The following CDH6 variants were observed in gnomAD, a reference collection of about 807,000 sequenced individuals.
CDH6 encodes cadherin 6.
In CDH6, 31 loss-of-function variants were observed where a neutral mutation model predicts 78.0. The ratio of observed to expected loss-of-function variants is 0.40; its 90% CI spans 0.30 to 0.54. The LOEUF (loss-of-function observed/expected upper bound fraction) is 0.54, where lower values mean the gene tolerates loss of function less well. CDH6 is among the 20% of genes least tolerant of loss of function. The pLI, the probability that CDH6 is intolerant of heterozygous loss-of-function variation, is 0.56. For synonymous variants in CDH6, 376 were observed against 368.8 expected, an observed-to-expected ratio of 1.02 and a Z score of -0.23; for missense variants, 724 against 975.9, an observed-to-expected ratio of 0.74 and a Z score of 3.44.
rs546591670 is a variant in CDH6 at position 31,293,957 on chromosome 5, A to G, written c.229-5A>G. The G allele has an allele frequency of 5.8e-6, 9 of 1,554,296 alleles. No individual in the cohort carries two copies. In the South Asian group the frequency reaches 6.0e-5, roughly 10 times the overall value. On this transcript the variant is annotated splice_region_variant and splice_polypyrimidine_tract_variant and intron_variant, in intron 2 of 11. Transcript: ENST00000265071. Reference sequence around the variant, plus strand: ...ACTTTCTTTAATTTTTTTTTTCTACACTAGTTACATTCAGACCAGGATAGA... The same window carrying G: ...ACTTTCTTTAATTTTTTTTTTCTACGCTAGTTACATTCAGACCAGGATAGA...
chr5:31,262,499 C>A (rs776858301), intron 1 of CDH6, among the ~76,000 whole-genome samples: 1 of 152,198 alleles, frequency 6.6e-6, no homozygotes, highest in Non-Finnish European at 1.5e-5. Flanking sequence ...GAGACATAGT[C>A]TATTAAGCAG....
chr5:31,247,250 C>T (rs565072181), intron 1 of CDH6, among the ~76,000 whole-genome samples: 1 of 152,298 alleles, frequency 6.6e-6, no homozygotes, highest in South Asian at 2.1e-4. Flanking sequence ...TGCTCCTCTG[C>T]ACACCTGAGT....
intron 1 of CDH6, among the ~76,000 whole-genome samples, chr5:31,214,477 G>A (rs1200220731): frequency 3.3e-5 from 5 of 152,138 alleles, no homozygotes; most frequent in Admixed American, 6.5e-5. Flanking sequence ...TAGGTCAAAG[G>A]ATGACTGCTC....
chr5:31,305,865 C>T (rs1348624858), intron 7 of CDH6, among the ~76,000 whole-genome samples: 2 of 152,024 alleles, frequency 1.3e-5, no homozygotes, highest in Admixed American at 6.5e-5. Context: ...TTTTTCCAAA[C>T]ATTTTTTATT....
intron 1 of CDH6, among the ~76,000 whole-genome samples, chr5:31,219,862 G>A (rs1740961260): frequency 6.6e-6 from 1 of 152,160 alleles, no homozygotes; most frequent in African/African-American, 2.4e-5. Context: ...ATCAGAATTT[G>A]TTTTGTCCAG....
intron 1 of CDH6, among the ~76,000 whole-genome samples, chr5:31,206,145 T>G (rs150523014): frequency 4.8e-5 from 6 of 123,770 alleles, no homozygotes; most frequent in African/African-American, 1.6e-4. Context: ...GACAGATAGA[T>G]AGATAGATGA....
intron 1 of CDH6, among the ~76,000 whole-genome samples, chr5:31,225,470 T>C (rs1046202504): frequency 1.3e-5 from 2 of 152,154 alleles, no homozygotes; most frequent in Admixed American, 6.6e-5. Flanking sequence ...GAAAAGAGGT[T>C]TAATTGGCTC....
rs1742395980 is a variant in CDH6 at position 31,267,534 on chromosome 5, T to C, written c.61T>C (p.Ser21Pro). The C allele has an allele frequency of 6.2e-7, 1 of 1,614,058 alleles. No individual in the cohort carries two copies. Among genetic ancestry groups the C allele is most frequent in the East Asian group, 2.2e-5 (1 of 44,844 alleles). ...GGTGGGCCAGCCCTACCCAACTCTCTCAACTCCACTATCAAAGAGGACTAG... is the reference window on the plus strand; with the variant it reads ...GGTGGGCCAGCCCTACCCAACTCTCCCAACTCCACTATCAAAGAGGACTAG... ...FWVGQPYPTL[S>P]TPLSKRTSGF... Residue 21 changes from serine to proline, a missense_variant, in exon 2 of 12, where the codon TCA becomes CCA. By Grantham distance (74) the Ser-to-Pro change is moderately conservative (BLOSUM62 -1). Transcript: ENST00000265071.
intron 3 of CDH6, among the ~76,000 whole-genome samples, chr5:31,296,659 C>T (rs928599732): frequency 6.6e-6 from 1 of 152,114 alleles, no homozygotes; most frequent in African/African-American, 2.4e-5. Flanking sequence ...AGAAATCCAA[C>T]TCGAACTAGT....
At chr5:31,246,676 T>C (rs1741755815) in intron 1 of CDH6, among the ~76,000 whole-genome samples, 1 of 152,224 alleles carries the variant, frequency 6.6e-6, no homozygotes, top group African/African-American at 2.4e-5. Flanking sequence ...AGAATTCTTA[T>C]TGAGTAGACC....
At chr5:31,309,082 A>T (rs1046538130) in intron 7 of CDH6, among the ~76,000 whole-genome samples, 1 of 152,170 alleles carries the variant, frequency 6.6e-6, no homozygotes, top group Non-Finnish European at 1.5e-5. Flanking sequence ...ATAAATATTG[A>T]TTCATGACAT....
At position 31,317,797 on chromosome 5, in the gene CDH6, T is replaced by G. The variant is rs200673396; in HGVS notation, c.1755T>G (p.Thr585=). ...YPVQSSTGTV[T]VRVCACDHHG... ...TTCAAAGCAGCACTGGGACAGTGAC[T>G]GTCCGGGTCTGTGCATGTGACCACC... The change falls in exon 11 of 12, where the codon ACT becomes ACG. Residue 585 remains threonine (T), a synonymous_variant. Transcript: ENST00000265071. 1 of 1,614,200 alleles carries G rather than the reference T, an allele frequency of 6.2e-7. No homozygotes were observed. The highest frequency in any genetic ancestry group is 1.3e-5 in the African/African-American group (1 of 75,054).
At chr5:31,284,130 T>C (rs994972351) in intron 2 of CDH6, among the ~76,000 whole-genome samples, 3 of 152,146 alleles carry the variant, frequency 2.0e-5, no homozygotes, top group African/African-American at 7.2e-5. Context: ...TTCTAGATCC[T>C]TTTCAAGCCC....
At chr5:31,237,186 T>C (rs1359813349) in intron 1 of CDH6, among the ~76,000 whole-genome samples, 1 of 152,056 alleles carries the variant, frequency 6.6e-6, no homozygotes, top group African/African-American at 2.4e-5. Flanking sequence ...CAAAGACATG[T>C]CATTTGGAAA....
intron 2 of CDH6, among the ~76,000 whole-genome samples, chr5:31,277,744 A>G (rs1742740007): frequency 6.6e-6 from 1 of 152,190 alleles, no homozygotes; most frequent in African/African-American, 2.4e-5. Flanking sequence ...TTATATACCC[A>G]GTAGTGCCTA....
At chr5:31,248,873 T>C (rs974740392) in intron 1 of CDH6, among the ~76,000 whole-genome samples, 3 of 152,184 alleles carry the variant, frequency 2.0e-5, no homozygotes, top group African/African-American at 4.8e-5. Context: ...TGTCATAGTT[T>C]GCAAATTTCA....
At chr5:31,297,722 A>T (rs1185297373) in intron 4 of CDH6, among the ~76,000 whole-genome samples, 1 of 152,184 alleles carries the variant, frequency 6.6e-6, no homozygotes, top group East Asian at 1.9e-4. Context: ...AGATATTCAG[A>T]ATCTTCTTTT....
intron 1 of CDH6, among the ~76,000 whole-genome samples, chr5:31,216,208 C>A (rs1350308095): frequency 1.3e-5 from 2 of 151,664 alleles, no homozygotes; most frequent in African/African-American, 4.8e-5. Flanking sequence ...AGTTTGCTTG[C>A]AATCTAATGC....
At chr5:31,285,550 C>A (rs1035646664) in intron 2 of CDH6, among the ~76,000 whole-genome samples, 1 of 152,160 alleles carries the variant, frequency 6.6e-6, no homozygotes, top group African/African-American at 2.4e-5. Flanking sequence ...TGCTTTTATT[C>A]ATTGCTTTAT....
Sources: allele counts gnomAD v4.1 joint callset (sites outside exome capture counted in the v4.1 genomes callset), GRCh38; gene constraint gnomAD v4.1.1; transcripts MANE v1.5; gene names NCBI Gene and HGNC (gene_info 2026-07-23, HGNC 2026-07-21).